The following EBF4 variants were observed in gnomAD, a reference collection of about 807,000 sequenced individuals.
EBF4 encodes the protein EBF transcription factor 4.
In EBF4, 34 loss-of-function variants were observed where a neutral mutation model predicts 67.1. That is an observed-to-expected ratio of 0.51 (90% CI 0.39 to 0.67). The LOEUF (loss-of-function observed/expected upper bound fraction) is 0.67. Ranked by LOEUF, EBF4 falls within the 30% of genes least tolerant of loss-of-function variation. The probability of loss-of-function intolerance (pLI) is 0.00; values close to 1 mark genes in which losing one functional copy is unlikely to be tolerated. For missense variants in EBF4, 837 were observed against 873.3 expected (o/e 0.96, Z 0.52); for synonymous variants, 387 against 377.7 (o/e 1.02, Z -0.29).
In EBF4 at chr20:2,749,505, G is replaced by A. The variant is rs1361139167; in HGVS notation, c.744G>A (p.Leu248=). 1.9e-6 allele frequency: 3 copies of A among 1,546,984 alleles called. No individual in the cohort carries two copies. The African/African-American group carries it at 4.1e-5, about 21-fold the overall frequency. Residue 248 remains leucine, a synonymous_variant, in exon 8 of 17, where the codon CTG becomes CTA. Transcript: ENST00000609451. ...AGCATGGCCGCAGGGCGCGCCGCCT[G>A]GACCCCTCCGAAGGTCAGGACCCCC... is the stretch of plus-strand genomic sequence containing the variant.
intron 6 of EBF4, among the ~76,000 whole-genome samples, chr20:2,737,148 G>A (rs542308216): frequency 4.2e-4 from 64 of 151,838 alleles, no homozygotes; most frequent in South Asian, 2.7e-3. Flanking sequence ...TACTCGGGAG[G>A]CTGAGGCAGG....
At chr20:2,750,992 C>T (rs1600243554) in intron 10 of EBF4, among the ~76,000 whole-genome samples, 1 of 152,200 alleles carries the variant, frequency 6.6e-6, no homozygotes, top group East Asian at 1.9e-4. Flanking sequence ...AGGTCGGGGC[C>T]AGGCTATCTG....
intron 6 of EBF4, among the ~76,000 whole-genome samples, chr20:2,720,658 G>A (rs1568574126): frequency 2.0e-5 from 3 of 151,982 alleles, no homozygotes; most frequent in Non-Finnish European, 4.4e-5. Flanking sequence ...AAAATACATT[G>A]TTATTATTTT....
chr20:2,736,835 A>T (rs200554576), intron 6 of EBF4, among the ~76,000 whole-genome samples: 2 of 101,114 alleles, frequency 2.0e-5, no homozygotes, highest in South Asian at 6.4e-4. Context: ...AGGACAAAGG[A>T]CCCCTAATGA....
intron 6 of EBF4, among the ~76,000 whole-genome samples, chr20:2,714,340 T>C (rs537783920): frequency 5.9e-5 from 9 of 151,784 alleles, no homozygotes; most frequent in Admixed American, 4.6e-4. Flanking sequence ...CTCTCTCTCT[T>C]TCTTTCTTTC....
At chr20:2,737,076 C>G (rs556575234) in intron 6 of EBF4, among the ~76,000 whole-genome samples, 2 of 151,672 alleles carry the variant, frequency 1.3e-5, no homozygotes, top group African/African-American at 4.8e-5. Flanking sequence ...GGTGAAACCC[C>G]GTCTCTACTA....
intron 6 of EBF4, among the ~76,000 whole-genome samples, chr20:2,714,691 A>C (rs915490604): frequency 6.6e-6 from 1 of 152,174 alleles, no homozygotes; most frequent in Non-Finnish European, 1.5e-5. Context: ...TTTTTAAAAA[A>C]CTGATTTGTA....
intron 6 of EBF4, among the ~76,000 whole-genome samples, chr20:2,736,497 C>T (rs1160634847): frequency 6.6e-6 from 1 of 152,206 alleles, no homozygotes; most frequent in Non-Finnish European, 1.5e-5. Flanking sequence ...TTTTCCTCTA[C>T]AGCCACAAAA....
At chr20:2,741,552 A>G (rs1025614734) in intron 6 of EBF4, among the ~76,000 whole-genome samples, 6 of 152,224 alleles carry the variant, frequency 3.9e-5, no homozygotes, top group Non-Finnish European at 7.3e-5. Flanking sequence ...GAAATACTCC[A>G]TGGACAAGAC....
rs538700079 is a variant in EBF4 at position 2,696,547 on chromosome 20, A to G, written c.137+2765A>G. Among the ~76,000 whole-genome samples the G allele has an allele frequency of 2.6e-5, 4 of 152,262 alleles. No homozygotes were observed. Among genetic ancestry groups the G allele is most frequent in the African/African-American group, 9.6e-5 (4 of 41,544 alleles). ...CCCAAGCCCCACTGCTTCCTCATGG[A>G]TATCTCCAACATTCAAGGCCTATCA... On this transcript the variant is annotated intron_variant, in intron 1 of 16. Coordinates refer to ENST00000609451, the Ensembl canonical transcript of EBF4. The surrounding 1 kb of genome is among the most constrained non-coding windows in gnomAD (Gnocchi z 4.7).
At chr20:2,748,753 C>T in intron 7 of EBF4, 123 bp downstream of exon 7, 1 of 1,115,844 alleles carries the variant, frequency 9.0e-7, no homozygotes, top group Non-Finnish European at 1.3e-6. Context: ...GATCTCTGCC[C>T]AGCCCTGTGC....
chr20:2,740,418 C>T (rs2087950688), intron 6 of EBF4, among the ~76,000 whole-genome samples: 1 of 152,232 alleles, frequency 6.6e-6, no homozygotes, highest in Admixed American at 6.5e-5. Flanking sequence ...TAATGCATAT[C>T]ATTCTGGAAA....
chr20:2,742,013 G>A (rs184546808), intron 6 of EBF4, among the ~76,000 whole-genome samples: 2 of 152,226 alleles, frequency 1.3e-5, no homozygotes, highest in African/African-American at 2.4e-5. Context: ...TTGTAACCTC[G>A]AGGAAATCCC....
At chr20:2,695,629 A>C (rs1011419585) in intron 1 of EBF4, among the ~76,000 whole-genome samples, 2 of 152,164 alleles carry the variant, frequency 1.3e-5, no homozygotes, top group African/African-American at 4.8e-5. Flanking sequence ...TCCCTGTCCC[A>C]GAGGGAGCTG....
At chr20:2,737,655 T>C (rs1206631401) in intron 6 of EBF4, among the ~76,000 whole-genome samples, 1 of 151,822 alleles carries the variant, frequency 6.6e-6, no homozygotes, top group Non-Finnish European at 1.5e-5. Flanking sequence ...TTAGAGTAAG[T>C]GCAGCTGAGC....
chr20:2,749,753 G>A, exon 9 of EBF4: 1 of 1,533,070 alleles, frequency 6.5e-7, no homozygotes, highest in Non-Finnish European at 8.8e-7. Flanking sequence ...TGTGGAGCGA[G>A]GTGGGCCAAC....
At chr20:2,716,853 T>A (rs1291774638) in intron 6 of EBF4, among the ~76,000 whole-genome samples, 1 of 152,204 alleles carries the variant, frequency 6.6e-6, no homozygotes, top group Non-Finnish European at 1.5e-5. Context: ...TCCTATGTAA[T>A]CATCACTTTT....
In EBF4 at chr20:2,751,502, A is replaced by G. The variant is rs2088143934; in HGVS notation, c.1019-198A>G. Among the ~76,000 whole-genome samples, 1 of 152,146 alleles carries G rather than the reference A, an allele frequency of 6.6e-6. No homozygotes were observed. The highest frequency in any genetic ancestry group is 1.5e-5 in the Non-Finnish European group (1 of 68,020). ...CAGTAAATATTTGTTGAGTAAACAA[A>G]CGAAAGAACTGAAACTTCCCTGAAT... On this transcript the variant is annotated intron_variant, in intron 10 of 16. Transcript: ENST00000609451. The surrounding 1 kb of genome is among the most constrained non-coding windows in gnomAD (Gnocchi z 5.2).
intron 15 of EBF4, among the ~76,000 whole-genome samples, chr20:2,758,058 CAG>C (rs969051715): frequency 6.6e-6 from 1 of 152,224 alleles, no homozygotes; most frequent in African/African-American, 2.4e-5. Context: ...TTAAAGGAGA[CAG>C]TGAGAGACTG....
Sources: allele counts gnomAD v4.1 joint callset (sites outside exome capture counted in the v4.1 genomes callset), GRCh38; gene constraint gnomAD v4.1.1; non-coding constraint Gnocchi (gnomAD v3.1); transcripts MANE v1.5; gene names NCBI Gene and HGNC (gene_info 2026-07-23, HGNC 2026-07-21).